The following ARB2A variants were observed in gnomAD, a reference collection of about 807,000 sequenced individuals.
ARB2A encodes the protein cotranscriptional regulator ARB2A.
chr5:94,005,731 G>A, the ARB2A span, among the ~76,000 whole-genome samples: 1 of 152,174 alleles, frequency 6.6e-6, no homozygotes, highest in Non-Finnish European at 1.5e-5. Flanking sequence ...AAAAGACATT[G>A]AGAGAGCTCA....
At chr5:93,687,317 A>G in the ARB2A span, among the ~76,000 whole-genome samples, 4 of 152,224 alleles carry the variant, frequency 2.6e-5, no homozygotes. Flanking sequence ...TTGCAGAACA[A>G]TTTGGCTATA....
the ARB2A span, among the ~76,000 whole-genome samples, chr5:94,110,092 C>T: frequency 6.6e-6 from 1 of 152,032 alleles, no homozygotes; most frequent in Non-Finnish European, 1.5e-5. Context: ...ACCGTGTTGC[C>T]CAGGCTGGTC....
At chr5:93,943,555 T>C in the ARB2A span, among the ~76,000 whole-genome samples, 1 of 152,274 alleles carries the variant, frequency 6.6e-6, no homozygotes, top group African/African-American at 2.4e-5. Context: ...ATGTCCTATA[T>C]TAATATAGTA....
At chr5:93,639,295 A>G in the ARB2A span, among the ~76,000 whole-genome samples, 2 of 152,192 alleles carry the variant, frequency 1.3e-5, no homozygotes, top group Admixed American at 1.3e-4. Context: ...TCCTAACACT[A>G]TGATTTCTTC....
the ARB2A span, among the ~76,000 whole-genome samples, chr5:94,052,024 C>T: frequency 7.9e-5 from 12 of 152,128 alleles, no homozygotes; most frequent in East Asian, 1.9e-3. Context: ...TTTCACTATG[C>T]TGTCCAGGCT....
chr5:94,042,452 C>T, the ARB2A span, among the ~76,000 whole-genome samples: 1 of 151,644 alleles, frequency 6.6e-6, no homozygotes, highest in Non-Finnish European at 1.5e-5. Flanking sequence ...ATTACAGGCG[C>T]CCGCCACCAC....
At chr5:94,107,821 T>C in the ARB2A span, among the ~76,000 whole-genome samples, 1 of 152,304 alleles carries the variant, frequency 6.6e-6, no homozygotes, top group African/African-American at 2.4e-5. Context: ...TGATATACAG[T>C]AGATCTTACT....
the ARB2A span, among the ~76,000 whole-genome samples, chr5:93,893,687 TATAAC>T: frequency 1.3e-5 from 2 of 152,200 alleles, no homozygotes; most frequent in Non-Finnish European, 2.9e-5. Flanking sequence ...ATTAAAGAAA[TATAAC>T]ATTATGTCAT....
the ARB2A span, among the ~76,000 whole-genome samples, chr5:93,783,019 A>G: frequency 2.0e-5 from 3 of 152,166 alleles, no homozygotes; most frequent in Non-Finnish European, 4.4e-5. Flanking sequence ...ACACAGATTA[A>G]TATATTCTGA....
the ARB2A span, among the ~76,000 whole-genome samples, chr5:93,679,677 A>G: frequency 6.6e-6 from 1 of 152,162 alleles, no homozygotes; most frequent in African/African-American, 2.4e-5. Flanking sequence ...CTATGTGAAG[A>G]AAACATAAAA....
At chr5:93,820,390 T>C in the ARB2A span, among the ~76,000 whole-genome samples, 1 of 152,052 alleles carries the variant, frequency 6.6e-6, no homozygotes, top group African/African-American at 2.4e-5. Flanking sequence ...TGGCCAACAA[T>C]AAAAGTGATG....
chr5:93,959,739 T>A, the ARB2A span, among the ~76,000 whole-genome samples: 31 of 152,140 alleles, frequency 2.0e-4, no homozygotes, highest in Non-Finnish European at 3.7e-4. Flanking sequence ...AAAAAGTAAA[T>A]ATTTTTATCC....
At chr5:93,800,381 TCACACA>T in the ARB2A span, among the ~76,000 whole-genome samples, 7,435 of 141,010 alleles carry the variant, frequency 0.053, 323 homozygotes, top group Admixed American at 0.14. Flanking sequence ...CTGCATATTT[TCACACA>T]CACACACACA....
At chr5:93,676,085 C>T in the ARB2A span, among the ~76,000 whole-genome samples, 1 of 152,132 alleles carries the variant, frequency 6.6e-6, no homozygotes, top group Non-Finnish European at 1.5e-5. Context: ...CAATAATATG[C>T]TACATTATGC....
the ARB2A span, among the ~76,000 whole-genome samples, chr5:94,057,028 C>T: frequency 6.6e-6 from 1 of 152,206 alleles, no homozygotes; most frequent in Admixed American, 6.5e-5. Flanking sequence ...CTCTGCCGAT[C>T]TTCAAGCTGG....
At chr5:93,629,421 T>C in the ARB2A span, among the ~76,000 whole-genome samples, 20 of 152,212 alleles carry the variant, frequency 1.3e-4, no homozygotes, top group East Asian at 3.7e-3. Context: ...GAAAGGGCGG[T>C]AACAGGCTTG....
the ARB2A span, among the ~76,000 whole-genome samples, chr5:93,889,878 T>C: frequency 6.6e-6 from 1 of 151,944 alleles, no homozygotes; most frequent in Non-Finnish European, 1.5e-5. Flanking sequence ...TTGCCAACTT[T>C]AATATGAACT....
chr5:94,106,870 G>GAAAAAAAAAAAAAA, the ARB2A span, among the ~76,000 whole-genome samples: 2 of 57,384 alleles, frequency 3.5e-5, no homozygotes, highest in African/African-American at 6.1e-5. Context: ...AATCAATGCA[G>GAAAAAAAAAAAAAA]AAAAAAAAAA....
chr5:93,958,954 C>A, the ARB2A span: 1 of 1,589,734 alleles, frequency 6.3e-7, no homozygotes, highest in East Asian at 2.2e-5. Flanking sequence ...TTGGTTCACT[C>A]TCAGTGGCAT....
Sources: allele counts gnomAD v4.1 joint callset (sites outside exome capture counted in the v4.1 genomes callset), GRCh38; gene constraint gnomAD v4.1.1; transcripts MANE v1.5; gene names NCBI Gene and HGNC (gene_info 2026-07-23, HGNC 2026-07-21).